Variants in GCC2 observed in about 807,000 individuals in gnomAD.
The protein encoded by GCC2 is GRIP and coiled-coil domain containing 2.
Under a neutral mutation model 210.6 loss-of-function variants are expected in GCC2, and 120 were observed. That is an observed-to-expected ratio of 0.57 (90% CI 0.49 to 0.66). The LOEUF (loss-of-function observed/expected upper bound fraction) is 0.66. Ranked by LOEUF, GCC2 falls within the 30% of genes least tolerant of loss-of-function variation. The pLI, the probability that GCC2 is intolerant of heterozygous loss-of-function variation, is 0.00. For synonymous variants in GCC2, 703 were observed against 652.7 expected, an observed-to-expected ratio of 1.08 and a Z score of -1.17; for missense variants, 1,868 against 1,871.9, an observed-to-expected ratio of 1.00 and a Z score of 0.04.
At position 108,470,676 on chromosome 2, in the gene GCC2, A is replaced by C; in HGVS notation, c.1347A>C (p.Glu449Asp). ...ELNETFLSDS[E>D]KEKLTLMFEI... ...ATGAGACATTTTTGTCAGATTCAGA[A>C]AAAGAAAAATTAACATTAATGTTTG... The change falls in exon 6 of 23, where the codon GAA becomes GAC. Residue 449 changes from glutamate to aspartate, a missense_variant. Glu to Asp is a conservative substitution (Grantham distance 45). This residue lies in a region of GCC2 where 1,847 missense variants were observed against 1,765.2 expected (regional missense o/e 1.05). Coordinates refer to ENST00000309863, the MANE Select transcript of GCC2 (RefSeq NM_181453.4). The C allele has an allele frequency of 1.2e-6, 2 of 1,611,318 alleles. No individual in the cohort carries two copies. Among genetic ancestry groups the C allele is most frequent in the African/African-American group, 2.7e-5 (2 of 74,866 alleles).
Position 108,485,687 on chromosome 2 carries a change from AG to A in GCC2, c.3666del (p.Lys1222AsnfsTer5). On this transcript the variant is annotated frameshift_variant, in exon 14 of 23. Transcript: ENST00000309863. LOFTEE classifies it high-confidence loss of function. ...QQYEEKNTKI[K>X]QLLVKTKKEL... ...TATGAAGAAAAAAACACCAAAATCAAGCAATTGCTTGTGAAAACCAAAAAGG... is the reference window on the plus strand; with the variant it reads ...TATGAAGAAAAAAACACCAAAATCAACAATTGCTTGTGAAAACCAAAAAGG... The A allele has an allele frequency of 6.3e-7, 1 of 1,598,892 alleles. No homozygotes were observed. Among genetic ancestry groups the A allele is most frequent in the Non-Finnish European group, 8.5e-7 (1 of 1,174,036 alleles).
chr2:108,484,088 A>C (rs1682006837), intron 12 of GCC2, 61 bp from the exon 13 acceptor site: 1 of 1,207,742 alleles, frequency 8.3e-7, no homozygotes, highest in Non-Finnish European at 1.1e-6. Context: ...CAAATGAAAA[A>C]AAAAATTTAC....
At chr2:108,501,856 G>C (rs977917619) in intron 22 of GCC2, among the ~76,000 whole-genome samples, 2 of 151,970 alleles carry the variant, frequency 1.3e-5, no homozygotes, top group African/African-American at 4.8e-5. Flanking sequence ...TAGTTTCTTT[G>C]AATCTGGTTT....
At chr2:108,475,694 T>C in intron 8 of GCC2, 58 bp from the exon 9 acceptor site, 2 of 1,468,904 alleles carry the variant, frequency 1.4e-6, no homozygotes, top group Non-Finnish European at 1.9e-6. Context: ...AATCAAGAGT[T>C]TTTCTATCCA....
intron 2 of GCC2, among the ~76,000 whole-genome samples, chr2:108,450,396 T>C (rs1272262321): frequency 6.6e-6 from 1 of 152,242 alleles, no homozygotes; most frequent in Non-Finnish European, 1.5e-5. Flanking sequence ...GAAATAATTT[T>C]ACAGCTCCAA....
rs573020322 is a variant in GCC2 at position 108,507,738 on chromosome 2, C to T, written c.*108C>T. Reference sequence around the variant, plus strand: ...AAAAAGTGTGTATATATGTTTGCATCTACATATATTTGTACATCTATATGA... The same window carrying T: ...AAAAAGTGTGTATATATGTTTGCATTTACATATATTTGTACATCTATATGA... On this transcript the variant is annotated 3_prime_UTR_variant, in exon 23 of 23. Coordinates refer to ENST00000309863, the MANE Select transcript of GCC2 (RefSeq NM_181453.4). 1.7e-5 allele frequency: 13 copies of T among 782,984 alleles called. No homozygotes were observed. The highest frequency in any genetic ancestry group is 1.1e-4 in the South Asian group (7 of 62,720). 48.5% of individuals were successfully genotyped at this position (782,984 alleles called of 1,614,324 possible).
intron 22 of GCC2, among the ~76,000 whole-genome samples, chr2:108,500,253 G>A (rs561635520): frequency 2.0e-5 from 3 of 152,252 alleles, no homozygotes; most frequent in Admixed American, 6.5e-5. Flanking sequence ...GGTGGTTCAC[G>A]CCTATAATCC....
chr2:108,470,265 C>T lies in GCC2; in HGVS notation c.936C>T (p.Asp312=). 3 of 1,613,490 alleles carry T rather than the reference C, an allele frequency of 1.9e-6. No individual in the cohort carries two copies. The highest frequency in any genetic ancestry group is 2.5e-6 in the Non-Finnish European group (3 of 1,179,712). The part of the protein sequence containing the change: ...LRKATSNANQ[D]NQICSILLQE... Reference sequence around the variant, plus strand: ...AAGCCACCTCAAATGCAAACCAAGACAATCAGATATGTTCTATTCTCTTGC... The same window carrying T: ...AAGCCACCTCAAATGCAAACCAAGATAATCAGATATGTTCTATTCTCTTGC... Residue 312 remains aspartate, a synonymous_variant, in exon 6 of 23, where the codon GAC becomes GAT. Coordinates refer to ENST00000309863, the MANE Select transcript of GCC2 (RefSeq NM_181453.4).
intron 16 of GCC2, among the ~76,000 whole-genome samples, chr2:108,487,173 T>C (rs1682183174): frequency 6.6e-6 from 1 of 152,208 alleles, no homozygotes; most frequent in South Asian, 2.1e-4. Context: ...TCAAATAACT[T>C]AATTTCTGAG....
intron 22 of GCC2, among the ~76,000 whole-genome samples, chr2:108,504,480 T>G (rs1170143276): frequency 1.3e-5 from 2 of 152,176 alleles, no homozygotes; most frequent in Non-Finnish European, 2.9e-5. Context: ...AACTCTGCGT[T>G]ATAAGGTAAA....
chr2:108,459,764 T>TTTTTTTTTTTTTTTTTTTTC (rs1680461436), intron 4 of GCC2, among the ~76,000 whole-genome samples: 1 of 134,914 alleles, frequency 7.4e-6, no homozygotes, highest in African/African-American at 2.8e-5. Flanking sequence ...TTTTTTTTTT[T>TTTTTTTTTTTTTTTTTTTTC]TTTTTTTTTT....
intron 17 of GCC2, among the ~76,000 whole-genome samples, chr2:108,488,138 C>T (rs919898136): frequency 3.4e-4 from 52 of 152,122 alleles, no homozygotes; most frequent in African/African-American, 1.2e-3. Flanking sequence ...AACTCCTGAC[C>T]TCAGATGATC....
chr2:108,503,293 G>T (rs2104518323), intron 22 of GCC2, among the ~76,000 whole-genome samples: 1 of 152,158 alleles, frequency 6.6e-6, no homozygotes, highest in South Asian at 2.1e-4. Context: ...CTTCTCAACA[G>T]CATTGGTGTA....
Position 108,485,816 on chromosome 2 carries a change from A to T in GCC2, c.3715-15A>T. 1 of 1,531,822 alleles carries T rather than the reference A, an allele frequency of 6.5e-7. No homozygotes were observed. The highest frequency in any genetic ancestry group is 8.9e-7 in the Non-Finnish European group (1 of 1,127,172). The allele number at this position is 1,531,822 out of a possible 1,614,324, so 94.9% of individuals were successfully genotyped here. ...TAACATTAAAAAAAATTTAACCAAG[A>T]TTCTCATTCTATAGGAAACTGATCA... On this transcript the variant is annotated splice_polypyrimidine_tract_variant and intron_variant, in intron 14 of 22. Transcript: ENST00000309863.
intron 9 of GCC2, among the ~76,000 whole-genome samples, chr2:108,477,220 T>C (rs1681586784): frequency 6.6e-6 from 1 of 152,164 alleles, no homozygotes; most frequent in Non-Finnish European, 1.5e-5. Flanking sequence ...ATCACAGAGT[T>C]ACAGTAATGT....
At chr2:108,496,670 G>C in intron 20 of GCC2, 1 of 432,970 alleles carries the variant, frequency 2.3e-6, no homozygotes, top group Non-Finnish European at 4.0e-6. Context: ...AATATTAATA[G>C]ATAGGAAGAA....
At position 108,484,213 on chromosome 2, in the gene GCC2, T is replaced by G. The variant is rs1682014384; in HGVS notation, c.3515T>G (p.Leu1172Arg). The change falls in exon 13 of 23, where the codon CTA (leucine) becomes CGA (arginine). Residue 1172 changes from leucine to arginine, a missense_variant. This residue lies in a region of GCC2 where 1,847 missense variants were observed against 1,765.2 expected (regional missense o/e 1.05). Transcript: ENST00000309863. Reference sequence around the variant, plus strand: ...GATTATGAACGTTTGATGAAAGAACTAAATCAAAAGTTAACTAATAAAAAC... The same window carrying G: ...GATTATGAACGTTTGATGAAAGAACGAAATCAAAAGTTAACTAATAAAAAC... ...IADYERLMKE[L>R]NQKLTNKNNK... is the part of the protein sequence containing the mutation. 6.3e-7 allele frequency: 1 copy of G among 1,590,744 alleles called. No individual in the cohort carries two copies. Among genetic ancestry groups the G allele is most frequent in the Admixed American group, 1.8e-5 (1 of 54,736 alleles).
At chr2:108,451,220 T>A (rs1438702044) in intron 3 of GCC2, 108 bp downstream of exon 3, 1 of 670,348 alleles carries the variant, frequency 1.5e-6, no homozygotes, top group Admixed American at 2.6e-5. Flanking sequence ...TTCCAGTGAT[T>A]CCAAGTACAC....
intron 22 of GCC2, 64 bp from the exon 23 acceptor site, chr2:108,507,496 G>A: frequency 7.6e-7 from 1 of 1,319,194 alleles, no homozygotes; most frequent in Admixed American, 2.1e-5. Context: ...ATTTTACATT[G>A]AGAAATTTTA....
Sources: gnomAD v4.1 joint callset for allele counts (sites outside exome capture counted in the v4.1 genomes callset) on GRCh38, gnomAD v4.1.1 for gene constraint, gnomAD v4.1.1 regional missense constraint, MANE v1.5 for transcripts, NCBI Gene and HGNC (gene_info 2026-07-23, HGNC 2026-07-21) for gene names.